The following MICU1 variants were observed in gnomAD, a reference collection of about 807,000 sequenced individuals.
MICU1 encodes the protein mitochondrial calcium uptake 1, also known as calcium uptake protein 1, mitochondrial.
MICU1 carries 45 observed loss-of-function variants against 56.8 expected under a neutral mutation model. The observed-to-expected ratio is 0.79, with a 90% CI of 0.62 to 1.02. The LOEUF (loss-of-function observed/expected upper bound fraction) is 1.02. MICU1 is among the 50% of genes least tolerant of loss of function. The pLI is 0.00. For synonymous variants in MICU1, 186 were observed against 195.1 expected (o/e 0.95, Z 0.39); for missense variants, 504 against 587.1 (o/e 0.86, Z 1.46).
chr10:72,488,218 TA>T (rs1233311613), intron 6 of MICU1, among the ~76,000 whole-genome samples: 9 of 150,028 alleles, frequency 6.0e-5, no homozygotes, highest in Non-Finnish European at 8.9e-5. Flanking sequence ...AAAAAAAAAT[TA>T]AAAAAAAATT....
intron 8 of MICU1, among the ~76,000 whole-genome samples, chr10:72,436,275 C>T (rs1483459617): frequency 6.6e-6 from 1 of 152,328 alleles, no homozygotes; most frequent in Admixed American, 6.5e-5. Context: ...CAAACAGGGT[C>T]TGGAGTGGAC....
intron 6 of MICU1, among the ~76,000 whole-genome samples, chr10:72,480,150 A>T (rs1331385785): frequency 1.3e-5 from 2 of 152,188 alleles, no homozygotes; most frequent in African/African-American, 4.8e-5. Context: ...TGGCAGTGGT[A>T]ATGGAGAGGA....
intron 11 of MICU1, among the ~76,000 whole-genome samples, chr10:72,373,178 T>TC (rs1862403441): frequency 6.6e-6 from 1 of 150,854 alleles, no homozygotes; most frequent in Admixed American, 6.6e-5. Flanking sequence ...TTTTGTTTGT[T>TC]CATTTTTTTT....
chr10:72,392,654 T>C (rs1393124381), intron 10 of MICU1, among the ~76,000 whole-genome samples: 1 of 152,236 alleles, frequency 6.6e-6, no homozygotes, highest in Non-Finnish European at 1.5e-5. Flanking sequence ...GATGGAGACA[T>C]TCAAATTCAG....
intron 8 of MICU1, among the ~76,000 whole-genome samples, chr10:72,428,693 A>G (rs1864427946): frequency 6.6e-6 from 1 of 152,198 alleles, no homozygotes; most frequent in South Asian, 2.1e-4. Context: ...TACCAATCAC[A>G]ACAGTCAGAC....
intron 6 of MICU1, chr10:72,501,719 T>C (rs1030757519): frequency 6.6e-6 from 1 of 152,164 alleles, no homozygotes. Flanking sequence ...ACGTGTAGGT[T>C]GGCCAAGGAA....
intron 3 of MICU1, among the ~76,000 whole-genome samples, chr10:72,562,538 G>C (rs1462485732): frequency 6.6e-6 from 1 of 152,070 alleles, no homozygotes; most frequent in Non-Finnish European, 1.5e-5. Context: ...TTTCCAAAGA[G>C]ATTTTATTCT....
At chr10:72,579,157 T>C (rs968576692) in intron 1 of MICU1, among the ~76,000 whole-genome samples, 2 of 152,176 alleles carry the variant, frequency 1.3e-5, no homozygotes, top group African/African-American at 4.8e-5. Context: ...TATTTACATA[T>C]AAATAATATT....
At chr10:72,591,060 G>A (rs893102184) in intron 1 of MICU1, among the ~76,000 whole-genome samples, 6 of 151,910 alleles carry the variant, frequency 3.9e-5, no homozygotes, top group Non-Finnish European at 5.9e-5. Context: ...ACCACAACAC[G>A]ATAAAGTTAG....
At chr10:72,605,974 T>TA (rs969086482) in intron 1 of MICU1, among the ~76,000 whole-genome samples, 2 of 150,564 alleles carry the variant, frequency 1.3e-5, no homozygotes, top group East Asian at 2.0e-4. Flanking sequence ...CTACTAAAAA[T>TA]AAAAAAATTG....
chr10:72,519,642 G>A (rs1042247672), intron 5 of MICU1, among the ~76,000 whole-genome samples: 1 of 152,132 alleles, frequency 6.6e-6, no homozygotes, highest in Admixed American at 6.5e-5. Context: ...CTGGAACTGG[G>A]ATTTCCAGAC....
intron 3 of MICU1, among the ~76,000 whole-genome samples, chr10:72,553,234 CTTT>C (rs35593530): frequency 2.2e-4 from 29 of 129,004 alleles, no homozygotes; most frequent in Non-Finnish European, 1.7e-4. Context: ...TACCTTTCTT[CTTT>C]TTTTTTTTTT....
chr10:72,552,306 T>C (rs540119081), intron 3 of MICU1, among the ~76,000 whole-genome samples: 5 of 152,288 alleles, frequency 3.3e-5, no homozygotes, highest in East Asian at 1.9e-4. Flanking sequence ...CATTCCCTTA[T>C]CTGGTATACA....
intron 4 of MICU1, among the ~76,000 whole-genome samples, chr10:72,545,619 T>C (rs1457023191): frequency 6.6e-6 from 1 of 152,144 alleles, no homozygotes; most frequent in African/African-American, 2.4e-5. Context: ...AGGTTCTTAT[T>C]ATGTAAATAA....
At chr10:72,468,190 C>G (rs905729440) in intron 8 of MICU1, among the ~76,000 whole-genome samples, 4 of 152,026 alleles carry the variant, frequency 2.6e-5, no homozygotes, top group Non-Finnish European at 5.9e-5. Flanking sequence ...AGCTTATAAG[C>G]AAGATCATGC....
At position 72,474,258 on chromosome 10, in the gene MICU1, C is replaced by CAAAAAAAAAAAAAAAA. The variant is rs55978543; in HGVS notation, c.933+826_933+841dup. Among the ~76,000 whole-genome samples, 32 of 60,722 alleles carry CAAAAAAAAAAAAAAAA rather than the reference C, an allele frequency of 5.3e-4. 1 individual carries two copies. The highest frequency in any genetic ancestry group is 1.2e-3 in the East Asian group (2 of 1,648). The allele number at this position is 60,722 out of a possible 152,430, so 39.8% of individuals were successfully genotyped here. A position where few individuals can be genotyped will look rare whatever the true frequency, so the allele number is the denominator to read the frequency against. On this transcript the variant is annotated intron_variant, in intron 8 of 11. Coordinates refer to ENST00000361114, the MANE Select transcript of MICU1 (RefSeq NM_001195518.2). ...CCTGGCTGATGGAGTAGGACTGTCT[C>CAAAAAAAAAAAAAAAA]AAAAAAAAAAAAAAAAAAAAAAAAA...
chr10:72,371,386 C>CAAAAAA (rs56014491), intron 11 of MICU1, among the ~76,000 whole-genome samples: 1 of 91,206 alleles, frequency 1.1e-5, no homozygotes, highest in Non-Finnish European at 2.2e-5. Context: ...GACTCCGTCT[C>CAAAAAA]AAAAAAAAAA....
intron 8 of MICU1, among the ~76,000 whole-genome samples, chr10:72,447,447 T>C (rs1865140680): frequency 6.6e-6 from 1 of 152,182 alleles, no homozygotes; most frequent in Non-Finnish European, 1.5e-5. Context: ...TATTACTGTT[T>C]CTATGAATGA....
At chr10:72,386,046 G>A (rs145349234) in intron 10 of MICU1, among the ~76,000 whole-genome samples, 15 of 152,288 alleles carry the variant, frequency 9.8e-5, no homozygotes, top group Non-Finnish European at 1.3e-4. Flanking sequence ...CCTGAACTCC[G>A]GATGAAAATG....
Sources: allele counts gnomAD v4.1 joint callset (sites outside exome capture counted in the v4.1 genomes callset), GRCh38; gene constraint gnomAD v4.1.1; transcripts MANE v1.5; gene names NCBI Gene and HGNC (gene_info 2026-07-23, HGNC 2026-07-21).